GABRG3: variants seen among roughly 807,000 people sequenced by gnomAD.
GABRG3 encodes the protein gamma-aminobutyric acid receptor subunit gamma-3.
A neutral mutation model predicts 48.8 loss-of-function variants in GABRG3; 25 were observed. That is an observed-to-expected ratio of 0.51 (90% CI 0.37 to 0.72). The LOEUF (loss-of-function observed/expected upper bound fraction) is 0.72. GABRG3 is among the 30% of genes least tolerant of loss of function. The pLI is 0.00. For missense variants in GABRG3, 394 were observed against 577.9 expected (o/e 0.68, Z 3.26); for synonymous variants, 227 against 217.6 (o/e 1.04, Z -0.38).
At chr15:27,248,803 CAGAGAGAGAGAG>C (rs1170812736) in intron 3 of GABRG3, among the ~76,000 whole-genome samples, 3 of 110,240 alleles carry the variant, frequency 2.7e-5, no homozygotes, top group East Asian at 2.5e-4. Context: ...CACACACACA[CAGAGAGAGAGAG>C]AGAGAGAGAG....
chr15:27,024,789 G>C (rs549958703), intron 2 of GABRG3, among the ~76,000 whole-genome samples: 1 of 152,242 alleles, frequency 6.6e-6, no homozygotes, highest in African/African-American at 2.4e-5. Flanking sequence ...CACTTTGGGA[G>C]GCTGGGGTGG....
chr15:27,252,237 C>T (rs1272699212), intron 3 of GABRG3, among the ~76,000 whole-genome samples: 1 of 152,164 alleles, frequency 6.6e-6, no homozygotes, highest in Non-Finnish European at 1.5e-5. Flanking sequence ...CTCCTTCTCA[C>T]CGATGTGTCC....
chr15:27,240,153 C>G (rs534335117), intron 3 of GABRG3, among the ~76,000 whole-genome samples: 1 of 152,308 alleles, frequency 6.6e-6, no homozygotes, highest in African/African-American at 2.4e-5. Flanking sequence ...AAATGATCAT[C>G]GTGACTCTCT....
chr15:27,173,644 G>A (rs1887645687), intron 3 of GABRG3, among the ~76,000 whole-genome samples: 1 of 150,648 alleles, frequency 6.6e-6, no homozygotes, highest in Non-Finnish European at 1.5e-5. Context: ...GCCAAAGCAG[G>A]AGGATCACTG....
chr15:27,499,384 G>A (rs888371036), intron 6 of GABRG3, among the ~76,000 whole-genome samples: 4 of 152,052 alleles, frequency 2.6e-5, no homozygotes, highest in African/African-American at 4.8e-5. Flanking sequence ...AAACAATAGC[G>A]CCACATAGCA....
intron 2 of GABRG3, among the ~76,000 whole-genome samples, chr15:26,990,415 A>G (rs917712452): frequency 5.9e-5 from 9 of 152,184 alleles, no homozygotes; most frequent in Non-Finnish European, 8.8e-5. Context: ...CCATTTGTAT[A>G]TCTTCTTTTG....
At chr15:27,310,645 ATATG>A (rs1269945728) in intron 3 of GABRG3, among the ~76,000 whole-genome samples, 1 of 152,192 alleles carries the variant, frequency 6.6e-6, no homozygotes, top group East Asian at 1.9e-4. Context: ...AATGTATATA[ATATG>A]TAGATGACCA....
At position 26,975,876 on chromosome 15, in the gene GABRG3, A is replaced by G. The variant is rs150054329; in HGVS notation, c.54-1126A>G. ...TATTCTCTTCTGTGAAGAAAAAGTC[A>G]CTAAAGCATCCACACTGACAAACTA... On this transcript the variant is annotated intron_variant, in intron 1 of 9. Coordinates refer to ENST00000615808, the MANE Select transcript of GABRG3 (RefSeq NM_033223.5). The surrounding 1 kb of genome is among the most constrained non-coding windows in gnomAD (Gnocchi z 4.6). Among the ~76,000 whole-genome samples the G allele has an allele frequency of 3.1e-3, 474 of 152,304 alleles. 3 individuals are homozygous for G. The highest frequency in any genetic ancestry group is 5.5e-3 in the Non-Finnish European group (374 of 68,028).
intron 5 of GABRG3, among the ~76,000 whole-genome samples, chr15:27,439,560 G>A (rs1250897062): frequency 2.0e-5 from 3 of 152,100 alleles, no homozygotes; most frequent in Non-Finnish European, 4.4e-5. Context: ...TGATTCCCAC[G>A]GGGGTCCATG....
At position 27,337,570 on chromosome 15, in the gene GABRG3, A is replaced by G. The variant is rs1894016809; in HGVS notation, c.574+8682A>G. On this transcript the variant is annotated intron_variant, in intron 5 of 9. Coordinates refer to ENST00000615808, the MANE Select transcript of GABRG3 (RefSeq NM_033223.5). ...CTCTCAAGGCCACCGTGCTGCTGGA[A>G]AGCACAGTCTGAGACCCACGCAGAG... Among the ~76,000 whole-genome samples the G allele has an allele frequency of 1.3e-5, 2 of 152,208 alleles. 1 individual carries two copies. The highest frequency in any genetic ancestry group is 4.1e-4 in the South Asian group (2 of 4,830).
chr15:27,021,789 G>A (rs368625333), intron 2 of GABRG3, among the ~76,000 whole-genome samples: 4 of 152,206 alleles, frequency 2.6e-5, no homozygotes, highest in African/African-American at 9.6e-5. Flanking sequence ...GCTGCAGCGA[G>A]CCATGATTGC....
At chr15:27,248,926 G>A (rs755132328) in intron 3 of GABRG3, among the ~76,000 whole-genome samples, 2 of 152,080 alleles carry the variant, frequency 1.3e-5, no homozygotes, top group East Asian at 1.9e-4. Context: ...TTCTTTTAAC[G>A]CGAAGCCATC....
intron 3 of GABRG3, among the ~76,000 whole-genome samples, chr15:27,140,757 C>G (rs1430861665): frequency 6.6e-6 from 1 of 151,954 alleles, no homozygotes; most frequent in Non-Finnish European, 1.5e-5. Context: ...TGACTTTCAT[C>G]TTTTTGAGAA....
chr15:27,508,996 G>A (rs1394542051), intron 6 of GABRG3, among the ~76,000 whole-genome samples: 2 of 152,056 alleles, frequency 1.3e-5, no homozygotes, highest in African/African-American at 4.8e-5. Flanking sequence ...TGGGATTATA[G>A]GCTTGAGCCA....
rs1894663021 is a variant in GABRG3 at position 27,352,663 on chromosome 15, A to G, written c.574+23775A>G. Among the ~76,000 whole-genome samples, 1 of 152,118 alleles carries G rather than the reference A, an allele frequency of 6.6e-6. No individual in the cohort carries two copies. The highest frequency in any genetic ancestry group is 1.5e-5 in the Non-Finnish European group (1 of 68,022). ...GAAGCCCCCTGCCAAGGCAGCAGCCACATACCAAACCGTTGGGTGATATCG... is the reference window on the plus strand; with the variant it reads ...GAAGCCCCCTGCCAAGGCAGCAGCCGCATACCAAACCGTTGGGTGATATCG... On this transcript the variant is annotated intron_variant, in intron 5 of 9. Coordinates refer to ENST00000615808, the MANE Select transcript of GABRG3 (RefSeq NM_033223.5). The surrounding 1 kb of genome is among the most constrained non-coding windows in gnomAD (Gnocchi z 4.0).
chr15:27,217,070 T>G (rs1338966798), intron 3 of GABRG3, among the ~76,000 whole-genome samples: 1 of 149,666 alleles, frequency 6.7e-6, no homozygotes, highest in African/African-American at 2.5e-5. Context: ...GAATGATGGT[T>G]TCCAATTTCA....
At chr15:27,490,151 T>C (rs1314042459) in intron 6 of GABRG3, among the ~76,000 whole-genome samples, 4 of 152,226 alleles carry the variant, frequency 2.6e-5, no homozygotes, top group Non-Finnish European at 5.9e-5. Flanking sequence ...TTTTGCCATA[T>C]GGATACAAAT....
intron 9 of GABRG3, 102 bp from the exon 10 acceptor site, chr15:27,532,498 A>T: frequency 9.1e-7 from 1 of 1,094,554 alleles, no homozygotes; most frequent in Non-Finnish European, 1.3e-6. Flanking sequence ...CATCCTCTTT[A>T]TCTATAGGAG....
rs60516105 is a variant in GABRG3, at chr15:27,001,888, G to GTTTTTTTTTTTTTTTT, written c.202+24753_202+24754insTTTTTTTTTTTTTTTT. Among the ~76,000 whole-genome samples the GTTTTTTTTTTTTTTTT allele has an allele frequency of 3.7e-3, 447 of 121,128 alleles. 22 individuals are homozygous for GTTTTTTTTTTTTTTTT. Among genetic ancestry groups the GTTTTTTTTTTTTTTTT allele is most frequent in the African/African-American group, 0.012 (380 of 31,482 alleles). 79.5% of individuals were successfully genotyped at this position (121,128 alleles called of 152,430 possible). On this transcript the variant is annotated intron_variant, in intron 2 of 9. Coordinates refer to ENST00000615808, the MANE Select transcript of GABRG3 (RefSeq NM_033223.5). ...CTTGAAGAGAGGTTCCCATAACTCAGTTTTTTTTTTTTTTTAAGATATGGT... is the reference window on the plus strand; with the variant it reads ...CTTGAAGAGAGGTTCCCATAACTCAGTTTTTTTTTTTTTTTTTTTTTTTTTTTTTTTAAGATATGGT...
Sources: allele counts gnomAD v4.1 joint callset (sites outside exome capture counted in the v4.1 genomes callset), GRCh38; gene constraint gnomAD v4.1.1; non-coding constraint Gnocchi (gnomAD v3.1); transcripts MANE v1.5; gene names NCBI Gene and HGNC (gene_info 2026-07-23, HGNC 2026-07-21).